Variants in KIRREL3 observed in about 807,000 individuals in gnomAD.
KIRREL3 encodes kirre like nephrin family adhesion molecule 3, also known as kin of IRRE-like protein 3.
A neutral mutation model predicts 89.7 loss-of-function variants in KIRREL3; 36 were observed. The observed-to-expected ratio is 0.40, with a 90% CI of 0.31 to 0.53. The LOEUF (loss-of-function observed/expected upper bound fraction) is 0.53. Among genes scored for constraint, KIRREL3 ranks in the 20% least tolerant of loss-of-function variants. The pLI is 0.49. For synonymous variants in KIRREL3, 445 were observed against 441.4 expected (o/e 1.01, Z -0.10); for missense variants, 864 against 1,056.6 (o/e 0.82, Z 2.53).
chr11:126,547,280 T>A (rs777965452), intron 2 of KIRREL3, among the ~76,000 whole-genome samples: 2 of 152,344 alleles, frequency 1.3e-5, no homozygotes, highest in East Asian at 1.9e-4. Context: ...GTGAGTCATA[T>A]CCCCTTTGGG....
At chr11:126,507,088 A>T (rs1958045429) in intron 4 of KIRREL3, among the ~76,000 whole-genome samples, 2 of 152,096 alleles carry the variant, frequency 1.3e-5, no homozygotes, top group Admixed American at 1.3e-4. Flanking sequence ...TCTCAAACAC[A>T]TTTTTCCAAG....
At chr11:126,781,846 A>G (rs1950335677) in intron 1 of KIRREL3, among the ~76,000 whole-genome samples, 1 of 152,184 alleles carries the variant, frequency 6.6e-6, no homozygotes, top group African/African-American at 2.4e-5. Flanking sequence ...GACCTTATTC[A>G]TTGGTAGAAA....
chr11:126,565,458 G>T lies in KIRREL3; in HGVS notation c.56-2546C>A, dbSNP rs1940446527. Among the ~76,000 whole-genome samples, 1 of 152,194 alleles carries T rather than the reference G, an allele frequency of 6.6e-6. No homozygotes were observed. The highest frequency in any genetic ancestry group is 1.5e-5 in the Non-Finnish European group (1 of 68,038). On this transcript the variant is annotated intron_variant, in intron 1 of 16. Coordinates refer to ENST00000525144, the MANE Select transcript of KIRREL3 (RefSeq NM_032531.4). This position sits in a 1 kb window ranked among gnomAD's most constrained non-coding sequence, Gnocchi z 5.4. ...AATGAGGCAATTTCTCAATGTATTT[G>T]GCTCATTTAATTTGACACGCGTGGG...
At position 126,558,890 on chromosome 11, in the gene KIRREL3, G is replaced by T. The variant is rs1367266987; in HGVS notation, c.133+3945C>A. 6.6e-6 allele frequency among the ~76,000 whole-genome samples: 1 copy of T among 152,142 alleles called. No homozygotes were observed. Among genetic ancestry groups the T allele is most frequent in the Non-Finnish European group, 1.5e-5 (1 of 68,032 alleles). On this transcript the variant is annotated intron_variant, in intron 2 of 16. Coordinates refer to ENST00000525144, the MANE Select transcript of KIRREL3 (RefSeq NM_032531.4). The surrounding 1 kb of genome is among the most constrained non-coding windows in gnomAD (Gnocchi z 4.0). ...CAGGTGTGTGCATGCATGTGTGCAT[G>T]TATACATATGCATGCAGGTGTGTGC...
At chr11:126,936,829 A>C (rs1475597110) in intron 1 of KIRREL3, 1 of 152,220 alleles carries the variant, frequency 6.6e-6, no homozygotes, top group Non-Finnish European at 1.5e-5. Context: ...ACTAGATTGT[A>C]GTGATGTCCG....
intron 1 of KIRREL3, among the ~76,000 whole-genome samples, chr11:126,850,621 G>A (rs1393371129): frequency 6.6e-6 from 1 of 152,156 alleles, no homozygotes; most frequent in Admixed American, 6.5e-5. Flanking sequence ...AAGGGTCAAG[G>A]GGCAAGAGTG....
At chr11:126,988,651 C>G (rs1405194811) in intron 1 of KIRREL3, 1 of 152,606 alleles carries the variant, frequency 6.6e-6, no homozygotes, top group Non-Finnish European at 1.5e-5. Flanking sequence ...GTCTTTGACT[C>G]TCCAGTCGAA....
rs1255279704 is a variant in KIRREL3, at chr11:126,486,102, G to A, written c.434-12636C>T. On this transcript the variant is annotated intron_variant, in intron 4 of 16. Coordinates refer to ENST00000525144, the MANE Select transcript of KIRREL3 (RefSeq NM_032531.4). This position sits in a 1 kb window ranked among gnomAD's most constrained non-coding sequence, Gnocchi z 6.2. ...AGACGTTTCATTAATAATGAGTAGG[G>A]ATGTAAGTCTCAGGCTGTATGCAGA... 6.6e-6 allele frequency among the ~76,000 whole-genome samples: 1 copy of A among 152,202 alleles called. No individual in the cohort carries two copies. The highest frequency in any genetic ancestry group is 1.5e-5 in the Non-Finnish European group (1 of 68,034).
At position 126,843,383 on chromosome 11, in the gene KIRREL3, A is replaced by C. The variant is rs539212260; in HGVS notation, c.55+157072T>G. 6.6e-6 allele frequency among the ~76,000 whole-genome samples: 1 copy of C among 152,226 alleles called. No individual in the cohort carries two copies. The highest frequency in any genetic ancestry group is 2.1e-4 in the South Asian group (1 of 4,816). On this transcript the variant is annotated intron_variant, in intron 1 of 16. Coordinates refer to ENST00000525144, the MANE Select transcript of KIRREL3 (RefSeq NM_032531.4). The surrounding 1 kb of genome is among the most constrained non-coding windows in gnomAD (Gnocchi z 4.6). ...GCATGAGAAATGCTTCCAGTGAGTG[A>C]GATTTCATGGGAGGTTGGAGTGGGT...
intron 1 of KIRREL3, among the ~76,000 whole-genome samples, chr11:126,613,280 G>A (rs558774984): frequency 1.1e-4 from 17 of 151,894 alleles, no homozygotes; most frequent in Non-Finnish European, 2.4e-4. Context: ...TTACAGGCTC[G>A]CACGCAGCAG....
In KIRREL3 at chr11:126,682,942, C is replaced by T. The variant is rs1946525173; in HGVS notation, c.56-120030G>A. ...CTAAGATGCCATTAAATTACTATGA[C>T]CTCCTGGGCTCAAGCAATCCTCGCA... On this transcript the variant is annotated intron_variant, in intron 1 of 16. Transcript: ENST00000525144. This position sits in a 1 kb window ranked among gnomAD's most constrained non-coding sequence, Gnocchi z 4.8. 6.6e-6 allele frequency among the ~76,000 whole-genome samples: 1 copy of T among 152,118 alleles called. No individual in the cohort carries two copies. Among genetic ancestry groups the T allele is most frequent in the Non-Finnish European group, 1.5e-5 (1 of 68,038 alleles).
At chr11:126,457,128 C>G (rs1041752670) in intron 6 of KIRREL3, among the ~76,000 whole-genome samples, 3 of 150,436 alleles carry the variant, frequency 2.0e-5, no homozygotes, top group Non-Finnish European at 4.4e-5. Context: ...GACCGGAGGC[C>G]GACAGCGAGA....
rs1316979037 is a variant in KIRREL3 at position 126,860,558 on chromosome 11, G to A, written c.55+139897C>T. On this transcript the variant is annotated intron_variant, in intron 1 of 16. Coordinates refer to ENST00000525144, the MANE Select transcript of KIRREL3 (RefSeq NM_032531.4). The surrounding 1 kb of genome is among the most constrained non-coding windows in gnomAD (Gnocchi z 4.6). ...CTCTGGGTGTGGCCAGGCAGCAGGC[G>A]GCGTGGAGGCAGAGGGGCCAGGCAG... is the stretch of plus-strand genomic sequence containing the variant. 2.6e-5 allele frequency among the ~76,000 whole-genome samples: 4 copies of A among 152,202 alleles called. No individual in the cohort carries two copies. Among genetic ancestry groups the A allele is most frequent in the Non-Finnish European group, 4.4e-5 (3 of 68,040 alleles).
chr11:126,665,239 T>A (rs1945605485), intron 1 of KIRREL3, among the ~76,000 whole-genome samples: 3 of 152,180 alleles, frequency 2.0e-5, no homozygotes, highest in African/African-American at 7.2e-5. Context: ...GTCTGCAGGA[T>A]GATGCAGTTG....
rs1187170389 is a variant in KIRREL3 at position 126,442,352 on chromosome 11, AC to A, written c.1253-1804del. ...CACACACACACACACACACACACACACAAAACCTTTTCCTTGTGCTTCCCAG... is the reference window on the plus strand; with the variant it reads ...CACACACACACACACACACACACACAAAAACCTTTTCCTTGTGCTTCCCAG... On this transcript the variant is annotated intron_variant, in intron 10 of 16. Transcript: ENST00000525144. 2.5e-3 allele frequency among the ~76,000 whole-genome samples: 305 copies of A among 124,006 alleles called. 4 individuals carry two copies. The highest frequency in any genetic ancestry group is 6.0e-3 in the African/African-American group (205 of 33,922). The allele number at this position is 124,006 out of a possible 152,430, so 81.4% of individuals were successfully genotyped here.
At chr11:126,944,360 G>A (rs1197040301) in intron 1 of KIRREL3, 1 of 152,252 alleles carries the variant, frequency 6.6e-6, no homozygotes, top group Non-Finnish European at 1.5e-5. Flanking sequence ...CCGGGGATAA[G>A]TGAGGAAAGA....
rs1397821856 is a variant in KIRREL3, at chr11:126,516,863, T to C, written c.433+4452A>G. Among the ~76,000 whole-genome samples the C allele has an allele frequency of 6.6e-6, 1 of 152,078 alleles. No individual in the cohort carries two copies. Among genetic ancestry groups the C allele is most frequent in the Non-Finnish European group, 1.5e-5 (1 of 68,016 alleles). On this transcript the variant is annotated intron_variant, in intron 4 of 16. Coordinates refer to ENST00000525144, the MANE Select transcript of KIRREL3 (RefSeq NM_032531.4). The surrounding 1 kb of genome is among the most constrained non-coding windows in gnomAD (Gnocchi z 4.9). Reference sequence around the variant, plus strand: ...ATCCCAGCACTTTGGGAGGCCAAGATGGGTGGATCACTTGAGGTCAAGTGT... The same window carrying C: ...ATCCCAGCACTTTGGGAGGCCAAGACGGGTGGATCACTTGAGGTCAAGTGT...
rs559382935 is a variant in KIRREL3 at position 126,738,907 on chromosome 11, C to T, written c.56-175995G>A. Reference sequence around the variant, plus strand: ...GGCAGAGGAGTCTCTTATTCTTCCACACAGGGTCCTAAACAAAGCATCTTC... The same window carrying T: ...GGCAGAGGAGTCTCTTATTCTTCCATACAGGGTCCTAAACAAAGCATCTTC... On this transcript the variant is annotated intron_variant, in intron 1 of 16. Coordinates refer to ENST00000525144, the MANE Select transcript of KIRREL3 (RefSeq NM_032531.4). Among the ~76,000 whole-genome samples the T allele has an allele frequency of 9.2e-5, 14 of 152,360 alleles. No individual in the cohort carries two copies. The East Asian group carries it at 1.7e-3, about 19-fold the overall frequency.
chr11:126,895,050 G>A (rs181959713), intron 1 of KIRREL3, among the ~76,000 whole-genome samples: 3 of 152,226 alleles, frequency 2.0e-5, no homozygotes, highest in East Asian at 1.9e-4. Context: ...AGGAAAGACC[G>A]GGCTTTAAAA....
Sources: allele counts gnomAD v4.1 joint callset (sites outside exome capture counted in the v4.1 genomes callset), GRCh38; gene constraint gnomAD v4.1.1; non-coding constraint Gnocchi (gnomAD v3.1); transcripts MANE v1.5; gene names NCBI Gene and HGNC (gene_info 2026-07-23, HGNC 2026-07-21).